EYS: variants seen among roughly 807,000 people sequenced by gnomAD.
EYS encodes EGF-like photoreceptor maintenance factor, also known as protein eyes shut homolog.
EYS carries 250 observed loss-of-function variants against 282.1 expected under a neutral mutation model. The observed-to-expected ratio is 0.89, with a 90% CI of 0.80 to 0.98. The LOEUF (loss-of-function observed/expected upper bound fraction) is 0.98, where lower values mean the gene tolerates loss of function less well. EYS is among the 50% of genes least tolerant of loss of function. The probability of loss-of-function intolerance (pLI) is 0.00; values close to 1 mark genes in which losing one functional copy is unlikely to be tolerated. For synonymous variants in EYS, 1,355 were observed against 1,282.9 expected (o/e 1.06, Z -1.20); for missense variants, 4,016 against 3,709.0 (o/e 1.08, Z -2.15).
chr6:64,521,488 A>G (rs1777732036), intron 26 of EYS, among the ~76,000 whole-genome samples: 1 of 151,720 alleles, frequency 6.6e-6, no homozygotes, highest in South Asian at 2.1e-4. Context: ...TCAGCTACTT[A>G]GAGTACTAAA....
chr6:63,836,583 G>A (rs1771812475), intron 36 of EYS, among the ~76,000 whole-genome samples: 1 of 151,806 alleles, frequency 6.6e-6, no homozygotes, highest in Non-Finnish European at 1.5e-5. Context: ...CTAAAAAGTA[G>A]AAAGAAAATA....
At chr6:63,999,993 C>G (rs763576753) in intron 33 of EYS, among the ~76,000 whole-genome samples, 2 of 151,930 alleles carry the variant, frequency 1.3e-5, no homozygotes, top group Non-Finnish European at 2.9e-5. Flanking sequence ...CAAATATGTT[C>G]GCTGATATTA....
At chr6:65,610,729 C>A (rs1191932281) in intron 2 of EYS, among the ~76,000 whole-genome samples, 6 of 152,076 alleles carry the variant, frequency 3.9e-5, no homozygotes, top group Admixed American at 3.9e-4. Context: ...ATGATGCTTG[C>A]AATATTCAGC....
intron 35 of EYS, among the ~76,000 whole-genome samples, chr6:63,889,925 A>G (rs146632137): frequency 8.5e-4 from 129 of 152,118 alleles, no homozygotes; most frequent in African/African-American, 2.9e-3. Context: ...GGATGGAGGA[A>G]GATTTACCAA....
intron 35 of EYS, among the ~76,000 whole-genome samples, chr6:63,924,244 C>T (rs986069251): frequency 3.9e-5 from 6 of 152,118 alleles, no homozygotes; most frequent in African/African-American, 1.4e-4. Context: ...ATGTTACAAG[C>T]CTAAACATGA....
intron 24 of EYS, among the ~76,000 whole-genome samples, chr6:64,610,407 T>TC (rs1767077329): frequency 5.3e-5 from 1 of 18,898 alleles, no homozygotes; most frequent in Non-Finnish European, 1.4e-4. Context: ...TGTAAGAATT[T>TC]TTTTTTTTTT....
intron 12 of EYS, among the ~76,000 whole-genome samples, chr6:65,188,728 G>A (rs1278015004): frequency 1.4e-5 from 2 of 138,820 alleles, no homozygotes; most frequent in Non-Finnish European, 3.1e-5. Flanking sequence ...AGAAGTTAGA[G>A]TGATGCAGTG....
intron 10 of EYS, among the ~76,000 whole-genome samples, chr6:65,338,547 A>G (rs1307851891): frequency 6.6e-6 from 1 of 151,144 alleles, no homozygotes; most frequent in Non-Finnish European, 1.5e-5. Context: ...TGTATTTCAC[A>G]GGTCAACTGT....
At chr6:64,372,374 C>A (rs1021310793) in intron 29 of EYS, among the ~76,000 whole-genome samples, 1 of 152,096 alleles carries the variant, frequency 6.6e-6, no homozygotes, top group African/African-American at 2.4e-5. Flanking sequence ...CCCCCAATCT[C>A]TTCTGATTTG....
chr6:65,460,114 C>A (rs1324083119), intron 5 of EYS, among the ~76,000 whole-genome samples: 4 of 144,346 alleles, frequency 2.8e-5, no homozygotes, highest in Admixed American at 7.0e-5. Context: ...TATAAAATAT[C>A]CTCTAAGAGA....
intron 22 of EYS, among the ~76,000 whole-genome samples, chr6:64,687,379 G>A (rs1382305326): frequency 2.0e-5 from 3 of 152,072 alleles, no homozygotes; most frequent in African/African-American, 7.2e-5. Context: ...AGTTTAAATT[G>A]TTTAAAAGTC....
At chr6:64,068,304 T>C (rs1483511929) in intron 32 of EYS, among the ~76,000 whole-genome samples, 2 of 152,186 alleles carry the variant, frequency 1.3e-5, no homozygotes, top group African/African-American at 2.4e-5. Flanking sequence ...CTCATATTTA[T>C]ATTTAGTTGT....
chr6:64,676,893 C>T (rs1481306455), intron 22 of EYS, among the ~76,000 whole-genome samples: 2 of 152,122 alleles, frequency 1.3e-5, no homozygotes, highest in African/African-American at 4.8e-5. Context: ...CCTCTTAATA[C>T]CGTCACCTTG....
chr6:64,918,339 A>C (rs1030173045), intron 15 of EYS, among the ~76,000 whole-genome samples: 4 of 152,288 alleles, frequency 2.6e-5, no homozygotes, highest in East Asian at 3.9e-4. Context: ...TAGCCTAAAA[A>C]CAGTAATAGC....
intron 18 of EYS, among the ~76,000 whole-genome samples, chr6:64,888,560 T>A (rs1767172189): frequency 6.6e-6 from 1 of 151,992 alleles, no homozygotes; most frequent in South Asian, 2.1e-4. Context: ...AATGGGATAC[T>A]GGGTGAAAGA....
chr6:64,390,342 C>T (rs1036071447), intron 28 of EYS, among the ~76,000 whole-genome samples: 56 of 152,190 alleles, frequency 3.7e-4, no homozygotes, highest in African/African-American at 1.4e-3. Context: ...AACAAAAAGA[C>T]AGCAGTAACC....
At chr6:64,374,008 T>C (rs951732572) in intron 29 of EYS, among the ~76,000 whole-genome samples, 1 of 151,892 alleles carries the variant, frequency 6.6e-6, no homozygotes, top group African/African-American at 2.4e-5. Flanking sequence ...TGCTTCTAGC[T>C]GCACTCTCCA....
At chr6:65,195,727 G>A (rs1417761761) in intron 12 of EYS, among the ~76,000 whole-genome samples, 1 of 151,946 alleles carries the variant, frequency 6.6e-6, no homozygotes, top group Admixed American at 6.6e-5. Context: ...CCACCTCCAT[G>A]TATCACTAAA....
chr6:64,502,866 G>A (rs1389224102), intron 26 of EYS, among the ~76,000 whole-genome samples: 1 of 152,100 alleles, frequency 6.6e-6, no homozygotes, highest in Non-Finnish European at 1.5e-5. Flanking sequence ...AAGAACAATG[G>A]TAGCCAGGAA....
Sources: gnomAD v4.1 joint callset for allele counts (sites outside exome capture counted in the v4.1 genomes callset) on GRCh38, gnomAD v4.1.1 for gene constraint, MANE v1.5 for transcripts, NCBI Gene and HGNC (gene_info 2026-07-23, HGNC 2026-07-21) for gene names.